CDH3: variants seen among roughly 807,000 people sequenced by gnomAD.
The protein encoded by CDH3 is cadherin-3.
CDH3 carries 54 observed loss-of-function variants against 82.0 expected under a neutral mutation model. The ratio of observed to expected loss-of-function variants is 0.66; its 90% confidence interval spans 0.53 to 0.83. CDH3 has a LOEUF of 0.83. Ranked by LOEUF, CDH3 falls within the 40% of genes least tolerant of loss-of-function variation. CDH3 has a pLI of 0.00. For synonymous variants in CDH3, 446 were observed against 437.9 expected, an observed-to-expected ratio of 1.02 and a Z score of -0.23; for missense variants, 1,054 against 1,084.6, an observed-to-expected ratio of 0.97 and a Z score of 0.40.
intron 2 of CDH3, among the ~76,000 whole-genome samples, chr16:68,667,161 T>C (rs1185566536): frequency 6.6e-6 from 1 of 152,220 alleles, no homozygotes; most frequent in African/African-American, 2.4e-5. Context: ...TAGTTTTACT[T>C]AGGAAAAATG....
intron 15 of CDH3, chr16:68,696,283 G>A (rs911584081): frequency 8.6e-6 from 3 of 348,048 alleles, no homozygotes; most frequent in East Asian, 7.4e-5. Context: ...GCCAGGCATG[G>A]TGGCGGGCAC....
At chr16:68,703,548 G>A (rs748919369), downstream of CDH3, among the ~76,000 whole-genome samples, 8 of 152,320 alleles carry the variant, frequency 5.3e-5, no homozygotes, top group Middle Eastern at 3.4e-3. Flanking sequence ...CTGGCCTCCC[G>A]TTAAAACAAT....
At chr16:68,711,880 C>A (rs1962035161) in intron 1 of CDH3, among the ~76,000 whole-genome samples, 1 of 152,090 alleles carries the variant, frequency 6.6e-6, no homozygotes. Context: ...CCTGTCTACT[C>A]TGGGTGCAGC....
intron 2 of CDH3, among the ~76,000 whole-genome samples, chr16:68,674,359 T>C (rs1393912539): frequency 6.6e-6 from 1 of 152,216 alleles, no homozygotes; most frequent in Non-Finnish European, 1.5e-5. Context: ...TCAAGTCCTT[T>C]GCCTGTTTTT....
chr16:68,645,555 C>T (rs992404958), intron 1 of CDH3, 81 bp from the exon 2 acceptor site: 2 of 1,450,234 alleles, frequency 1.4e-6, no homozygotes, highest in Non-Finnish European at 1.9e-6. Flanking sequence ...CCGGAAGGCC[C>T]GTGAGGACCC....
chr16:68,701,751 C>T (rs984131139), downstream of CDH3, among the ~76,000 whole-genome samples: 11 of 151,914 alleles, frequency 7.2e-5, no homozygotes, highest in Admixed American at 2.0e-4. Context: ...TTGGGCCGGG[C>T]GCGGTGACTC....
At chr16:68,653,965 C>CA (rs1004382580) in intron 2 of CDH3, among the ~76,000 whole-genome samples, 1 of 151,984 alleles carries the variant, frequency 6.6e-6, no homozygotes, top group Non-Finnish European at 1.5e-5. Flanking sequence ...GATCCACCCA[C>CA]CTCGGCCTCC....
At chr16:68,657,483 C>T (rs1014355819) in intron 2 of CDH3, among the ~76,000 whole-genome samples, 7 of 152,184 alleles carry the variant, frequency 4.6e-5, no homozygotes, top group African/African-American at 1.7e-4. Flanking sequence ...CACTGCACTC[C>T]AGCCTGGGCG....
intron 2 of CDH3, chr16:68,646,267 A>C: frequency 6.3e-6 from 1 of 159,592 alleles, no homozygotes; most frequent in Non-Finnish European, 1.4e-5. Flanking sequence ...TGCACTCTTA[A>C]CCCTGCTCTT....
chr16:68,645,522 C>T, intron 1 of CDH3, 98 bp downstream of exon 1: 2 of 1,476,690 alleles, frequency 1.4e-6, no homozygotes, highest in Non-Finnish European at 1.8e-6. Flanking sequence ...CGCGGGGCTG[C>T]GCTCCCTGGG....
rs1440134249 is a variant in CDH3 at position 68,698,720 on chromosome 16, C to G, written c.*320C>G. The stretch of plus-strand genomic sequence containing the variant: ...TGGGCCTGGGCCTGCTGTGACTGAC[C>G]TACAGTGGACTTTCTCTCTGGAATG... On this transcript the variant is annotated 3_prime_UTR_variant, in exon 16 of 16. Transcript: ENST00000264012. The G allele has an allele frequency of 2.9e-6, 1 of 348,830 alleles. No homozygotes were observed. The highest frequency in any genetic ancestry group is 4.6e-5 in the South Asian group (1 of 21,970). The allele number at this position is 348,830 out of a possible 1,614,324, so 21.6% of individuals were successfully genotyped here. A position where few individuals can be genotyped will look rare whatever the true frequency, so the allele number is the denominator to read the frequency against.
chr16:68,702,269 T>A (rs1040014300), downstream of CDH3, among the ~76,000 whole-genome samples: 3 of 152,154 alleles, frequency 2.0e-5, no homozygotes, highest in Non-Finnish European at 4.4e-5. Context: ...AGTTTGGATG[T>A]GTTATTTAAT....
At chr16:68,646,076 G>T in intron 2 of CDH3, 1 of 372,120 alleles carries the variant, frequency 2.7e-6, no homozygotes, top group Non-Finnish European at 4.9e-6. Context: ...GGAATGCGCC[G>T]GCCACATTCT....
intron 2 of CDH3, among the ~76,000 whole-genome samples, chr16:68,660,283 T>A (rs543193446): frequency 6.6e-6 from 1 of 152,350 alleles, no homozygotes; most frequent in South Asian, 2.1e-4. Context: ...AACTTTTGTT[T>A]TATGACTATC....
At chr16:68,729,131 C>A (rs1962257832), downstream of CDH3, among the ~76,000 whole-genome samples, 1 of 152,006 alleles carries the variant, frequency 6.6e-6, no homozygotes, top group South Asian at 2.1e-4. Context: ...ATGATGAAAC[C>A]CCGTCTCTAC....
chr16:68,703,595 C>G (rs1961923098), downstream of CDH3, among the ~76,000 whole-genome samples: 1 of 152,230 alleles, frequency 6.6e-6, no homozygotes, highest in Non-Finnish European at 1.5e-5. Flanking sequence ...CCCGGCACTT[C>G]TAGGCATGAG....
intron 15 of CDH3, 158 bp from the exon 16 acceptor site, chr16:68,698,033 T>C: frequency 1.3e-6 from 1 of 742,916 alleles, no homozygotes; most frequent in Non-Finnish European, 2.4e-6. Flanking sequence ...TGCTGGTCCC[T>C]GAGTGAATGA....
At chr16:68,678,385 C>T (rs759395380) in intron 4 of CDH3, 108 bp downstream of exon 4, 65 of 1,581,384 alleles carry the variant, frequency 4.1e-5, no homozygotes, top group Non-Finnish European at 5.6e-5. Flanking sequence ...ACAGAAAAAC[C>T]TCTCCTGTTC....
intron 13 of CDH3, among the ~76,000 whole-genome samples, chr16:68,693,635 GGA>G (rs1961632952): frequency 6.6e-6 from 1 of 152,140 alleles, no homozygotes; most frequent in African/African-American, 2.4e-5. Context: ...CCCAGACTCG[GGA>G]GAGGAGAGGT....
Sources: allele counts gnomAD v4.1 joint callset (sites outside exome capture counted in the v4.1 genomes callset), GRCh38; gene constraint gnomAD v4.1.1; transcripts MANE v1.5; gene names NCBI Gene and HGNC (gene_info 2026-07-23, HGNC 2026-07-21).